Variants in NEIL1 observed in about 807,000 individuals in gnomAD.
The protein encoded by NEIL1 is nei like DNA glycosylase 1, also known as endonuclease 8-like 1.
In NEIL1, 31 loss-of-function variants were observed where a neutral mutation model predicts 44.2. The ratio of observed to expected loss-of-function variants is 0.70; its 90% CI spans 0.53 to 0.95. The LOEUF is 0.95. NEIL1 is among the 40% of genes least tolerant of loss of function. The probability of loss-of-function intolerance (pLI) is 0.00; values close to 1 mark genes in which losing one functional copy is unlikely to be tolerated. For synonymous variants in NEIL1, 254 were observed against 209.7 expected (o/e 1.21, Z -1.83); for missense variants, 549 against 515.5 (o/e 1.07, Z -0.63).
Position 75,349,055 on chromosome 15 carries a change from A to C in NEIL1, c.150A>C (p.Ser50=). The stretch of plus-strand genomic sequence containing the variant: ...GCAGTGCCTACCGCATCTCAGCTTC[A>C]GCCCGCGGCAAGGAGCTGCGCCTGA... ...FESSAYRISA[S]ARGKELRLIL... The change falls in exon 2 of 10, where the codon TCA becomes TCC. Residue 50 remains serine, a synonymous_variant. Coordinates refer to ENST00000355059, the MANE Select transcript of NEIL1 (RefSeq NM_024608.4). 1 of 1,613,584 alleles carries C rather than the reference A, an allele frequency of 6.2e-7. No homozygotes were observed.
Position 75,352,469 on chromosome 15 carries a change from G to GTGCCCACAT in NEIL1, c.618+83_618+84insGCCCACATT. 2.5e-6 allele frequency: 4 copies of GTGCCCACAT among 1,579,982 alleles called. No individual in the cohort carries two copies. The South Asian group carries it at 3.3e-5, about 13-fold the overall frequency. The stretch of plus-strand genomic sequence containing the variant: ...GGCAAGGAGATGGGTGGGGTCAGGT[G>GTGCCCACAT]TCCCCAGCTTAGCTCAACAACAGGG... On this transcript the variant is annotated intron_variant, in intron 4 of 9. Transcript: ENST00000355059.
intron 2 of NEIL1, among the ~76,000 whole-genome samples, chr15:75,350,413 G>A (rs991936292): frequency 9.2e-5 from 14 of 152,170 alleles, no homozygotes; most frequent in African/African-American, 1.2e-4. Context: ...TGACTTGGCC[G>A]AGGGTGGGGG....
intron 1 of NEIL1, chr15:75,348,255 T>G (rs2071598142): frequency 1.1e-6 from 1 of 919,440 alleles, no homozygotes; most frequent in Admixed American, 6.2e-5. Flanking sequence ...CAGGCCCGGT[T>G]CTCGCTGCGG....
Position 75,355,836 on chromosome 15 carries a change from C to T in NEIL1, c.*802C>T. The T allele has an allele frequency of 1.3e-6, 2 of 1,583,138 alleles. No homozygotes were observed. The highest frequency in any genetic ancestry group is 1.7e-6 in the Non-Finnish European group (2 of 1,157,510). ...TTCCACAAGAAAAGACTGATCCCTG[C>T]TTTAGGCTGGGGAAGCAGAAATTAG... On this transcript the variant is annotated 3_prime_UTR_variant, in exon 10 of 10. Transcript: ENST00000355059.
chr15:75,348,994 C>T lies in NEIL1; in HGVS notation c.89C>T (p.Ser30Phe). The change falls in exon 2 of 10, where the codon TCC (serine) becomes TTC (phenylalanine). Residue 30 changes from serine to phenylalanine, a missense_variant. Coordinates refer to ENST00000355059, the MANE Select transcript of NEIL1 (RefSeq NM_024608.4). ...ALVFGGCVEK[S>F]SVSRNPEVPF... ...GTGTTCGGCGGCTGCGTGGAGAAGTCCTCTGTCAGCCGCAACCCTGAGGTG... is the reference window on the plus strand; with the variant it reads ...GTGTTCGGCGGCTGCGTGGAGAAGTTCTCTGTCAGCCGCAACCCTGAGGTG... The T allele has an allele frequency of 6.2e-7, 1 of 1,613,754 alleles. No individual in the cohort carries two copies. The highest frequency in any genetic ancestry group is 1.7e-4 in the Middle Eastern group (1 of 6,060).
intron 7 of NEIL1, 26 bp from the exon 8 acceptor site, chr15:75,354,405 C>G: frequency 1.2e-6 from 2 of 1,614,068 alleles, no homozygotes; most frequent in Non-Finnish European, 8.5e-7. Flanking sequence ...ATAGGACCCT[C>G]CAACTCCAAC....
intron 1 of NEIL1, chr15:75,347,876 G>C (rs751717503): frequency 8.3e-7 from 1 of 1,202,718 alleles, no homozygotes; most frequent in South Asian, 1.4e-5. Context: ...AGCCCTGTGG[G>C]TGCCAGGCCA....
chr15:75,356,194 G>T lies in NEIL1; in HGVS notation c.*1160G>T, dbSNP rs769489635. ...GGCCTCATACAGCCTCAGGACCAGC[G>T]AGCGGCGCTGGGGGCTGCTCTCCGC... On this transcript the variant is annotated 3_prime_UTR_variant, in exon 10 of 10. Transcript: ENST00000355059. This position sits in a 1 kb window ranked among gnomAD's most constrained non-coding sequence, Gnocchi z 5.8. The T allele has an allele frequency of 6.2e-7, 1 of 1,613,390 alleles. No individual in the cohort carries two copies.
chr15:75,354,587 G>A, intron 8 of NEIL1, 66 bp from the exon 9 acceptor site: 1 of 1,612,904 alleles, frequency 6.2e-7, no homozygotes, highest in Non-Finnish European at 8.5e-7. Context: ...GGGGGGAGTG[G>A]TGGGCCCTAA....
chr15:75,348,263 C>T, intron 1 of NEIL1: 1 of 936,790 alleles, frequency 1.1e-6, no homozygotes, highest in Non-Finnish European at 1.3e-6. Flanking sequence ...GTTCTCGCTG[C>T]GGCCAAGCGG....
chr15:75,348,851 C>T, intron 1 of NEIL1, 33 bp from the exon 2 acceptor site: 2 of 1,585,980 alleles, frequency 1.3e-6, no homozygotes, highest in Non-Finnish European at 1.7e-6. Context: ...AAAGTCCACA[C>T]CGGGCTCAAC....
Position 75,354,807 on chromosome 15 carries a change from A to C in NEIL1, c.1091A>C (p.Gln364Pro), listed in dbSNP as rs771249868. 4 of 1,614,024 alleles carry C rather than the reference A, an allele frequency of 2.5e-6. No homozygotes were observed. In the Admixed American group the frequency reaches 6.7e-5, roughly 27 times the overall value. Residue 364 changes from glutamine to proline, a missense_variant, in exon 9 of 10, where the codon CAG (glutamine) becomes CCG (proline). Gln to Pro is a moderately conservative substitution (Grantham distance 76, BLOSUM62 -1). Transcript: ENST00000355059. The part of the protein sequence containing the change: ...VPKKGRRKGR[Q>P]AASGHCRPRK... ...AAGAAGGGGAGGAGGAAGGGGCGAC[A>C]GGCAGCCTCTGGTGGGCTTTCCTCA...
chr15:75,355,881 C>G lies in NEIL1; in HGVS notation c.*847C>G. 6.2e-7 allele frequency: 1 copy of G among 1,613,470 alleles called. No homozygotes were observed. Among genetic ancestry groups the G allele is most frequent in the South Asian group, 1.1e-5 (1 of 91,026 alleles). ...AATTAGGAGTCCCCAGAGCCTTCTA[C>G]AAACAAAACCCCAGCCCCAGGGACT... On this transcript the variant is annotated 3_prime_UTR_variant, in exon 10 of 10. Coordinates refer to ENST00000355059, the MANE Select transcript of NEIL1 (RefSeq NM_024608.4).
At position 75,356,548 on chromosome 15, in the gene NEIL1, G is replaced by T; in HGVS notation, c.*1514G>T. ...GCCAGGTTGCTGGGGTTTGGGCTCA[G>T]GGAAGGGCAGAGAGGTGTCTAGGGC... On this transcript the variant is annotated 3_prime_UTR_variant, in exon 10 of 10. Coordinates refer to ENST00000355059, the MANE Select transcript of NEIL1 (RefSeq NM_024608.4). This position sits in a 1 kb window ranked among gnomAD's most constrained non-coding sequence, Gnocchi z 5.8. 6.5e-7 allele frequency: 1 copy of T among 1,549,810 alleles called. No homozygotes were observed. Among genetic ancestry groups the T allele is most frequent in the Non-Finnish European group, 8.7e-7 (1 of 1,145,214 alleles).
At position 75,356,153 on chromosome 15, in the gene NEIL1, C is replaced by T. The variant is rs750756332; in HGVS notation, c.*1119C>T. On this transcript the variant is annotated 3_prime_UTR_variant, in exon 10 of 10. Coordinates refer to ENST00000355059, the MANE Select transcript of NEIL1 (RefSeq NM_024608.4). This position sits in a 1 kb window ranked among gnomAD's most constrained non-coding sequence, Gnocchi z 5.8. ...GGCAGCGACAAGTGCAGCCAGCAGT[C>T]CACGTGGCTGCCGTGGGCCTCATAC... 1.1e-5 allele frequency: 17 copies of T among 1,613,548 alleles called. No individual in the cohort carries two copies. Among genetic ancestry groups the T allele is most frequent in the Non-Finnish European group, 1.4e-5 (17 of 1,179,994 alleles).
intron 3 of NEIL1, 36 bp from the exon 4 acceptor site, chr15:75,352,288 C>T (rs780869496): frequency 1.2e-6 from 2 of 1,614,124 alleles, no homozygotes; most frequent in Non-Finnish European, 1.7e-6. Context: ...CCACATTCCC[C>T]ACTGCCTAGC....
In NEIL1 at chr15:75,356,951, T is replaced by G. The variant is rs774723862; in HGVS notation, c.*1917T>G. 6.7e-7 allele frequency: 1 copy of G among 1,494,310 alleles called. No homozygotes were observed. Among genetic ancestry groups the G allele is most frequent in the South Asian group, 1.1e-5 (1 of 88,066 alleles). 92.6% of individuals were successfully genotyped at this position (1,494,310 alleles called of 1,614,324 possible). On this transcript the variant is annotated 3_prime_UTR_variant, in exon 10 of 10. Transcript: ENST00000355059. The surrounding 1 kb of genome is among the most constrained non-coding windows in gnomAD (Gnocchi z 5.8). ...CTTGGTGGCCCTGTGCCCCTCTTTG[T>G]GCTCCCAGACTCCAGAGCTCCTGTC...
chr15:75,349,709 G>A (rs991874705), intron 2 of NEIL1: 2 of 219,070 alleles, frequency 9.1e-6, no homozygotes, highest in African/African-American at 4.5e-5. Context: ...AGCTACTTGG[G>A]AGGCTGAGGC....
chr15:75,348,483 G>T (rs905131893), intron 1 of NEIL1: 1 of 1,045,068 alleles, frequency 9.6e-7, no homozygotes, highest in Non-Finnish European at 1.2e-6. Context: ...CAGATGGGGG[G>T]TCAGGAAGTC....
Sources: gnomAD v4.1 joint callset for allele counts (sites outside exome capture counted in the v4.1 genomes callset) on GRCh38, gnomAD v4.1.1 for gene constraint, Gnocchi (gnomAD v3.1) non-coding constraint, MANE v1.5 for transcripts, NCBI Gene and HGNC (gene_info 2026-07-23, HGNC 2026-07-21) for gene names.